PCDH15: variants seen among roughly 807,000 people sequenced by gnomAD.
PCDH15 encodes protocadherin related 15.
In PCDH15, 129 loss-of-function variants were observed where a neutral mutation model predicts 178.5. That is an observed-to-expected ratio of 0.72 (90% confidence interval 0.63 to 0.84). PCDH15 has a LOEUF of 0.84. PCDH15 is among the 40% of genes least tolerant of loss of function. The pLI, the probability that PCDH15 is intolerant of heterozygous loss-of-function variation, is 0.00. For missense variants in PCDH15, 2,230 were observed against 2,099.9 expected (o/e 1.06, Z -1.21); for synonymous variants, 800 against 732.0 (o/e 1.09, Z -1.50).
chr10:54,201,120 G>A (rs555188617), intron 10 of PCDH15, among the ~76,000 whole-genome samples: 4 of 152,226 alleles, frequency 2.6e-5, no homozygotes, highest in Admixed American at 6.5e-5. Flanking sequence ...CAAGAAACTT[G>A]GAGGCACCTC....
At chr10:55,129,568 T>C (rs1837990211) in intron 2 of PCDH15, among the ~76,000 whole-genome samples, 1 of 152,124 alleles carries the variant, frequency 6.6e-6, no homozygotes, top group South Asian at 2.1e-4. Context: ...CCCAACTTTT[T>C]GCAAAATGAA....
chr10:55,254,794 G>A (rs1841944900), intron 1 of PCDH15, among the ~76,000 whole-genome samples: 1 of 152,150 alleles, frequency 6.6e-6, no homozygotes, highest in Admixed American at 6.6e-5. Context: ...TGCGAAAGAA[G>A]AAATGAGCAG....
At chr10:54,213,165 T>G (rs111986218) in intron 10 of PCDH15, among the ~76,000 whole-genome samples, 3 of 152,280 alleles carry the variant, frequency 2.0e-5, no homozygotes, top group African/African-American at 7.2e-5. Flanking sequence ...ATGCTGAATC[T>G]TTGCTTTTGT....
chr10:54,292,971 A>G (rs918071966), intron 8 of PCDH15, among the ~76,000 whole-genome samples: 1 of 152,180 alleles, frequency 6.6e-6, no homozygotes, highest in Admixed American at 6.5e-5. Flanking sequence ...ACTACTTTAA[A>G]GTTCAAGTGG....
rs1564559784 is a variant in PCDH15, at chr10:54,842,208, CAGAG to C, written c.-29+55238_-29+55241del. On this transcript the variant is annotated intron_variant, in intron 3 of 5. Transcript: ENST00000458638. Reference sequence around the variant, plus strand: ...CGTGTGTGTGTGTGTGTGTGTGAGACAGAGAGAGAGAGAATATGAATAAATGAGA... The same window carrying C: ...CGTGTGTGTGTGTGTGTGTGTGAGACAGAGAGAGAATATGAATAAATGAGA... Among the ~76,000 whole-genome samples the C allele has an allele frequency of 6.0e-5, 9 of 149,718 alleles. No individual in the cohort carries two copies. In the South Asian group the frequency reaches 8.4e-4, roughly 14 times the overall value.
intron 1 of PCDH15, among the ~76,000 whole-genome samples, chr10:55,233,274 TC>T (rs1298836277): frequency 6.6e-6 from 1 of 152,148 alleles, no homozygotes; most frequent in Non-Finnish European, 1.5e-5. Context: ...TTTTGCTTTA[TC>T]AATAGCTTTG....
chr10:55,529,654 T>C (rs1184434859), intron 2 of PCDH15, among the ~76,000 whole-genome samples: 1 of 149,682 alleles, frequency 6.7e-6, no homozygotes, highest in Non-Finnish European at 1.5e-5. Context: ...TCTCCTGTTC[T>C]TTACTAATAT....
intron 2 of PCDH15, among the ~76,000 whole-genome samples, chr10:54,979,288 T>C (rs183251678): frequency 2.0e-5 from 3 of 152,160 alleles, no homozygotes; most frequent in Admixed American, 2.0e-4. Flanking sequence ...TCATGGTAAT[T>C]GACTTCAAAT....
intron 2 of PCDH15, among the ~76,000 whole-genome samples, chr10:54,958,956 T>C (rs1258380256): frequency 1.3e-5 from 2 of 151,882 alleles, no homozygotes; most frequent in African/African-American, 2.4e-5. Flanking sequence ...AAATGAGCAG[T>C]AACGTGAGGA....
At chr10:55,482,949 G>A (rs996041800) in intron 2 of PCDH15, among the ~76,000 whole-genome samples, 17 of 151,636 alleles carry the variant, frequency 1.1e-4, no homozygotes, top group Non-Finnish European at 2.2e-4. Flanking sequence ...TCTCTTTCAG[G>A]TGCTGGGATG....
At chr10:54,169,981 C>A (rs1368203841) in intron 13 of PCDH15, among the ~76,000 whole-genome samples, 1 of 150,504 alleles carries the variant, frequency 6.6e-6, no homozygotes, top group Non-Finnish European at 1.5e-5. Context: ...GCCTCTATAA[C>A]CCATTATTCT....
chr10:54,809,403 C>T lies in PCDH15; in HGVS notation c.-29+88047G>A, dbSNP rs564210288. ...CTGGGGAAGTTCAAAAAAGACATTC[C>T]GGCAAAAAATGAGACCGTTTAAATG... On this transcript the variant is annotated intron_variant, in intron 3 of 5. Transcript: ENST00000458638. Among the ~76,000 whole-genome samples the T allele has an allele frequency of 5.9e-5, 9 of 151,940 alleles. No homozygotes were observed. In the South Asian group the frequency reaches 8.3e-4, roughly 14 times the overall value.
intron 18 of PCDH15, among the ~76,000 whole-genome samples, chr10:54,054,719 C>T (rs1215367962): frequency 6.7e-6 from 1 of 150,272 alleles, no homozygotes; most frequent in East Asian, 1.9e-4. Flanking sequence ...GAAACATGAC[C>T]ACATTTCAAA....
At chr10:53,976,943 G>A (rs970630874) in intron 21 of PCDH15, among the ~76,000 whole-genome samples, 1 of 150,952 alleles carries the variant, frequency 6.6e-6, no homozygotes, top group Non-Finnish European at 1.5e-5. Context: ...CACTGCATCT[G>A]GGCAACGAGA....
intron 2 of PCDH15, among the ~76,000 whole-genome samples, chr10:55,434,104 G>A (rs865871564): frequency 1.2e-4 from 9 of 76,960 alleles, no homozygotes; most frequent in African/African-American, 1.7e-4. Flanking sequence ...TTTTTGAGAT[G>A]GTGTCTCTCT....
intron 2 of PCDH15, among the ~76,000 whole-genome samples, chr10:55,053,771 A>G (rs1841223676): frequency 6.6e-6 from 1 of 152,200 alleles, no homozygotes; most frequent in South Asian, 2.1e-4. Context: ...AAACACATGG[A>G]AAGTGTCCAG....
chr10:54,929,746 G>T (rs7095731), intron 2 of PCDH15, among the ~76,000 whole-genome samples: 37,476 of 152,058 alleles, frequency 0.25, 5,427 homozygotes, highest in Non-Finnish European at 0.33. Context: ...AAAATGTGTT[G>T]TCAGTGAATC....
intron 1 of PCDH15, among the ~76,000 whole-genome samples, chr10:54,674,934 A>T (rs897749438): frequency 3.3e-5 from 5 of 152,108 alleles, no homozygotes; most frequent in Non-Finnish European, 7.4e-5. Context: ...TAAAATTTGA[A>T]TAAGTTGTCT....
intron 18 of PCDH15, among the ~76,000 whole-genome samples, chr10:54,031,340 C>A (rs2093288405): frequency 6.6e-6 from 1 of 152,010 alleles, no homozygotes; most frequent in African/African-American, 2.4e-5. Context: ...TTCCATCCAG[C>A]CTTCTGGTCC....
Sources: allele counts gnomAD v4.1 joint callset (sites outside exome capture counted in the v4.1 genomes callset), GRCh38; gene constraint gnomAD v4.1.1; transcripts MANE v1.5; gene names NCBI Gene and HGNC (gene_info 2026-07-23, HGNC 2026-07-21).